Variants in FAT3 observed in about 807,000 individuals in gnomAD.
FAT3 encodes the protein FAT atypical cadherin 3.
A neutral mutation model predicts 310.2 loss-of-function variants in FAT3; 95 were observed. That is an observed-to-expected ratio of 0.31 (90% CI 0.26 to 0.36). The LOEUF (loss-of-function observed/expected upper bound fraction) is 0.36, where lower values mean the gene tolerates loss of function less well. FAT3 is among the 10% of genes least tolerant of loss of function. The pLI, the probability that FAT3 is intolerant of heterozygous loss-of-function variation, is 1.00. For missense variants in FAT3, 5,408 were observed against 5,715.6 expected, an observed-to-expected ratio of 0.95 and a Z score of 1.74; for synonymous variants, 2,314 against 2,192.9, an observed-to-expected ratio of 1.06 and a Z score of -1.54.
At chr11:92,638,014 A>ATGTACT (rs1336392353) in intron 3 of FAT3, among the ~76,000 whole-genome samples, 1 of 152,202 alleles carries the variant, frequency 6.6e-6, no homozygotes, top group African/African-American at 2.4e-5. Context: ...TGGGAGGTCC[A>ATGTACT]TGTACTTCAT....
chr11:92,661,208 C>T (rs1232253142), intron 3 of FAT3, among the ~76,000 whole-genome samples: 6 of 152,188 alleles, frequency 3.9e-5, no homozygotes, highest in Non-Finnish European at 8.8e-5. Context: ...AGGGAAGGCC[C>T]ATGTGGTCAG....
In FAT3 at chr11:92,800,601, C is replaced by A. The variant is rs1947312028; in HGVS notation, c.7588C>A (p.Gln2530Lys). The change falls in exon 10 of 28, where the codon CAG becomes AAG. Residue 2530 changes from glutamine (Q) to lysine (K), a missense_variant. By Grantham distance (53) the Gln-to-Lys change is moderately conservative (BLOSUM62 1). Around this residue, in one of 5 missense-constraint regions of FAT3, gnomAD observed 4,588 missense variants for 4,809.8 expected, o/e 0.95. Coordinates refer to ENST00000525166, the MANE Select transcript of FAT3 (RefSeq NM_001367949.2). ...ATDGDPGTYG[Q>K]ISYAIINDFA... The stretch of plus-strand genomic sequence containing the variant: ...AGATGGTGATCCAGGGACTTATGGG[C>A]AGATCAGCTATGCCATCATCAATGA... The A allele has an allele frequency of 5.0e-6, 8 of 1,613,598 alleles. No homozygotes were observed. The highest frequency in any genetic ancestry group is 2.2e-5 in the East Asian group (1 of 44,818).
chr11:92,762,163 T>C lies in FAT3; in HGVS notation c.3977T>C (p.Ile1326Thr), dbSNP rs1401202078. Residue 1326 changes from isoleucine to threonine, a missense_variant, in exon 5 of 28, where the codon ATC (isoleucine) becomes ACC (threonine). Physicochemically the swap from Ile to Thr is moderately conservative, Grantham distance 89. Coordinates refer to ENST00000525166, the MANE Select transcript of FAT3 (RefSeq NM_001367949.2). ...CAGTTTACAGCAGGCAGTTATGACA[T>C]CCTAACGGTAAGATCTTCCAAACTC... ...RKQFTAGSYD[I>T]LTIKAVDNGR... is the part of the protein sequence containing the mutation. 2 of 1,608,960 alleles carry C rather than the reference T, an allele frequency of 1.2e-6. No individual in the cohort carries two copies. Among genetic ancestry groups the C allele is most frequent in the South Asian group, 2.2e-5 (2 of 90,676 alleles).
rs1950010901 is a variant in FAT3 at position 92,895,542 on chromosome 11, G to A, written c.*4429G>A. ...GCACTTGAGAATCGTAGAGTCATTT[G>A]GAGCGTGTTTGGACCAATTAGTATG... is the stretch of plus-strand genomic sequence containing the variant. On this transcript the variant is annotated 3_prime_UTR_variant, in exon 28 of 28. Coordinates refer to ENST00000525166, the MANE Select transcript of FAT3 (RefSeq NM_001367949.2). 1 of 152,166 alleles carries A rather than the reference G, an allele frequency of 6.6e-6. No homozygotes were observed. The highest frequency in any genetic ancestry group is 1.5e-5 in the Non-Finnish European group (1 of 68,022). 9.4% of individuals were successfully genotyped at this position (152,166 alleles called of 1,614,324 possible).
intron 1 of FAT3, among the ~76,000 whole-genome samples, chr11:92,329,133 G>C (rs1947841256): frequency 6.7e-6 from 1 of 148,948 alleles, no homozygotes; most frequent in Non-Finnish European, 1.5e-5. Flanking sequence ...TGGTGCTATA[G>C]TTTCAGCATG....
chr11:92,560,282 T>C (rs936460937), intron 3 of FAT3, among the ~76,000 whole-genome samples: 4 of 152,180 alleles, frequency 2.6e-5, no homozygotes, highest in Admixed American at 1.3e-4. Flanking sequence ...TACTTCAAAA[T>C]TGAGCTATTT....
At chr11:92,239,507 G>T (rs1864580467) in intron 1 of FAT3, among the ~76,000 whole-genome samples, 1 of 152,106 alleles carries the variant, frequency 6.6e-6, no homozygotes, top group South Asian at 2.1e-4. Context: ...ACAAAAGGAA[G>T]TGGAAAAGTT....
intron 21 of FAT3, among the ~76,000 whole-genome samples, chr11:92,860,151 A>T (rs1343772278): frequency 6.6e-6 from 1 of 152,202 alleles, no homozygotes; most frequent in Non-Finnish European, 1.5e-5. Context: ...TCTCAAAACA[A>T]ACAAACAAAA....
Position 92,800,743 on chromosome 11 carries a change from G to A in FAT3, c.7730G>A (p.Gly2577Asp), listed in dbSNP as rs1054394766. ...AGTATTTTTGTGAGGGCCCTTGATG[G>A]TGGAGGGAGAACAACTTTCTGCACT... Reference protein sequence around the residue: ...DVSIFVRALDGGGRTTFCTVR... With the variant: ...DVSIFVRALDDGGRTTFCTVR... The change falls in exon 10 of 28, where the codon GGT becomes GAT. Residue 2577 changes from glycine (G) to aspartate (D), a missense_variant. Coordinates refer to ENST00000525166, the MANE Select transcript of FAT3 (RefSeq NM_001367949.2). 1.9e-6 allele frequency: 3 copies of A among 1,613,952 alleles called. No homozygotes were observed. Among genetic ancestry groups the A allele is most frequent in the Non-Finnish European group, 2.5e-6 (3 of 1,179,878 alleles).
chr11:92,764,231 T>C (rs17614825), intron 5 of FAT3, among the ~76,000 whole-genome samples: 7,896 of 152,128 alleles, frequency 0.052, 241 homozygotes, highest in Non-Finnish European at 0.073. Context: ...CTCCAGGGAC[T>C]GTGCTATCGA....
intron 2 of FAT3, among the ~76,000 whole-genome samples, chr11:92,374,589 G>A (rs1289422865): frequency 6.6e-6 from 1 of 152,204 alleles, no homozygotes; most frequent in Non-Finnish European, 1.5e-5. Flanking sequence ...ACTATGAACT[G>A]TAGGAAGAAT....
intron 2 of FAT3, among the ~76,000 whole-genome samples, chr11:92,451,654 G>A (rs2135067644): frequency 6.6e-6 from 1 of 152,262 alleles, no homozygotes; most frequent in African/African-American, 2.4e-5. Flanking sequence ...ATGAAATTTA[G>A]TAATGCACAT....
intron 3 of FAT3, among the ~76,000 whole-genome samples, chr11:92,561,734 TC>T: frequency 6.6e-6 from 1 of 152,280 alleles, no homozygotes; most frequent in Middle Eastern, 3.4e-3. Context: ...CAAGCAATTC[TC>T]CTGCCTCAGC....
At chr11:92,316,008 T>C (rs1406767598) in intron 1 of FAT3, among the ~76,000 whole-genome samples, 1 of 152,088 alleles carries the variant, frequency 6.6e-6, no homozygotes, top group Non-Finnish European at 1.5e-5. Flanking sequence ...TTTAAATCTC[T>C]TATATACCAT....
At chr11:92,566,926 TA>T (rs1324877088) in intron 3 of FAT3, among the ~76,000 whole-genome samples, 4 of 151,972 alleles carry the variant, frequency 2.6e-5, no homozygotes, top group African/African-American at 9.7e-5. Context: ...CCTAAAACCA[TA>T]AAAACCGTAG....
chr11:92,443,070 G>T lies in FAT3; in HGVS notation c.3293-81564G>T, dbSNP rs1052800319. On this transcript the variant is annotated intron_variant, in intron 2 of 27. Transcript: ENST00000525166. The stretch of plus-strand genomic sequence containing the variant: ...TCTGTTTTGATTCTATTTTAATTAC[G>T]AACATAACTATTTCAAATGTCTAGT... Among the ~76,000 whole-genome samples, 4 of 151,968 alleles carry T rather than the reference G, an allele frequency of 2.6e-5. No homozygotes were observed. The South Asian group carries it at 6.2e-4, about 24-fold the overall frequency.
intron 1 of FAT3, among the ~76,000 whole-genome samples, chr11:92,318,864 A>G (rs1947534090): frequency 6.6e-6 from 1 of 152,202 alleles, no homozygotes; most frequent in South Asian, 2.1e-4. Context: ...GGCAGACCCT[A>G]TGACACGAAT....
intron 3 of FAT3, among the ~76,000 whole-genome samples, chr11:92,659,319 C>T (rs1942692024): frequency 6.6e-6 from 1 of 152,138 alleles, no homozygotes; most frequent in Admixed American, 6.6e-5. Flanking sequence ...GAATAGAACT[C>T]AGGGAATAAA....
At chr11:92,401,846 C>T (rs1292196478) in intron 2 of FAT3, among the ~76,000 whole-genome samples, 1 of 152,174 alleles carries the variant, frequency 6.6e-6, no homozygotes, top group African/African-American at 2.4e-5. Flanking sequence ...AAACATTAAA[C>T]ACAGCTCATC....
Sources: allele counts gnomAD v4.1 joint callset (sites outside exome capture counted in the v4.1 genomes callset), GRCh38; gene constraint gnomAD v4.1.1; regional missense constraint gnomAD v4.1.1; transcripts MANE v1.5; gene names NCBI Gene and HGNC (gene_info 2026-07-23, HGNC 2026-07-21).